Variants in SRPK2 observed in about 807,000 individuals in gnomAD.
SRPK2 encodes the protein SFRS protein kinase 2.
A neutral mutation model predicts 90.8 loss-of-function variants in SRPK2; 21 were observed. The ratio of observed to expected loss-of-function variants is 0.23; its 90% CI spans 0.16 to 0.33. The LOEUF is 0.33. Ranked by LOEUF, SRPK2 falls within the 10% of genes least tolerant of loss-of-function variation. The pLI, the probability that SRPK2 is intolerant of heterozygous loss-of-function variation, is 1.00. For synonymous variants in SRPK2, 288 were observed against 311.1 expected (o/e 0.93, Z 0.78); for missense variants, 620 against 869.0 (o/e 0.71, Z 3.60).
At chr7:105,381,772 A>C (rs566847525) in intron 2 of SRPK2, among the ~76,000 whole-genome samples, 1 of 152,332 alleles carries the variant, frequency 6.6e-6, no homozygotes, top group East Asian at 1.9e-4. Context: ...AGTATTCCAA[A>C]GTCATGGGCT....
intron 2 of SRPK2, among the ~76,000 whole-genome samples, chr7:105,223,048 G>C (rs2129617064): frequency 6.6e-6 from 1 of 152,314 alleles, no homozygotes; most frequent in East Asian, 1.9e-4. Context: ...AAAAATAAGA[G>C]GTAGGCTGAA....
Position 105,377,120 on chromosome 7 carries a change from G to A in SRPK2, c.71+11528C>T, listed in dbSNP as rs76849218. ...TCATCTCACTTGAATTTTATCTGCA[G>A]ACTAACACTGCTGACCACGCCCTTC... On this transcript the variant is annotated intron_variant, in intron 2 of 15. Coordinates refer to ENST00000393651, the MANE Select transcript of SRPK2 (RefSeq NM_182692.3). Among the ~76,000 whole-genome samples the A allele has an allele frequency of 4.7e-3, 710 of 152,140 alleles. 11 individuals carry two copies. In the East Asian group the frequency reaches 0.055, roughly 12 times the overall value.
At chr7:105,347,600 T>C (rs1294557436) in intron 2 of SRPK2, among the ~76,000 whole-genome samples, 3 of 152,014 alleles carry the variant, frequency 2.0e-5, no homozygotes, top group African/African-American at 2.4e-5. Flanking sequence ...ATGCCTATAC[T>C]CCCAGCACTT....
At chr7:105,229,089 G>A (rs1387113424) in intron 2 of SRPK2, among the ~76,000 whole-genome samples, 2 of 152,148 alleles carry the variant, frequency 1.3e-5, no homozygotes, top group African/African-American at 2.4e-5. Flanking sequence ...ACCGAGTTCA[G>A]GGAACTGCAG....
intron 2 of SRPK2, among the ~76,000 whole-genome samples, chr7:105,223,564 TTGTC>T (rs1469402589): frequency 6.6e-6 from 1 of 152,224 alleles, no homozygotes; most frequent in Admixed American, 6.5e-5. Context: ...TCCCTGTGAA[TTGTC>T]TATGTCCCCC....
rs1424726363 is a variant in SRPK2 at position 105,355,154 on chromosome 7, T to C, written c.71+33494A>G. Among the ~76,000 whole-genome samples, 4 of 152,192 alleles carry C rather than the reference T, an allele frequency of 2.6e-5. No homozygotes were observed. In the East Asian group the frequency reaches 7.7e-4, roughly 29 times the overall value. On this transcript the variant is annotated intron_variant, in intron 2 of 15. Transcript: ENST00000393651. Reference sequence around the variant, plus strand: ...TTTATTCATCAACTGACATCTGAGTTGTTTCCATCTGGCTGTGATCAACAA... The same window carrying C: ...TTTATTCATCAACTGACATCTGAGTCGTTTCCATCTGGCTGTGATCAACAA...
chr7:105,117,471 AG>A lies in SRPK2; in HGVS notation c.*366del, dbSNP rs1321955314. ...AATTTCTTAAGATTGTAAATTATATAGTACTCAGCTAAAATATTTCTTCATA... is the reference window on the plus strand; with the variant it reads ...AATTTCTTAAGATTGTAAATTATATATACTCAGCTAAAATATTTCTTCATA... On this transcript the variant is annotated 3_prime_UTR_variant, in exon 16 of 16. Transcript: ENST00000393651. 1 of 237,152 alleles carries A rather than the reference AG, an allele frequency of 4.2e-6. No homozygotes were observed. The highest frequency in any genetic ancestry group is 2.4e-5 in the African/African-American group (1 of 42,536). The allele number at this position is 237,152 out of a possible 1,614,324, so 14.7% of individuals were successfully genotyped here. A position where few individuals can be genotyped will look rare whatever the true frequency, so the allele number is the denominator to read the frequency against.
At chr7:105,319,762 G>C (rs981689486) in intron 2 of SRPK2, among the ~76,000 whole-genome samples, 1 of 152,014 alleles carries the variant, frequency 6.6e-6, no homozygotes, top group Non-Finnish European at 1.5e-5. Flanking sequence ...ATACACTGCT[G>C]AGTGTTCAAA....
chr7:105,124,639 C>CCAAAAAAAAAAAAAAA (rs1408558143), intron 15 of SRPK2, among the ~76,000 whole-genome samples: 1 of 8,260 alleles, frequency 1.2e-4, no homozygotes, highest in African/African-American at 2.9e-4. Context: ...AAAACTCCAT[C>CCAAAAAAAAAAAAAAA]TAAAAAAAAA....
intron 2 of SRPK2, among the ~76,000 whole-genome samples, chr7:105,223,432 C>CA (rs1727174146): frequency 6.6e-6 from 1 of 152,180 alleles, no homozygotes; most frequent in African/African-American, 2.4e-5. Context: ...GCCCAAGTGT[C>CA]AAAAAATTAA....
intron 2 of SRPK2, among the ~76,000 whole-genome samples, chr7:105,264,247 C>T (rs1418058748): frequency 1.3e-5 from 2 of 152,146 alleles, no homozygotes; most frequent in Non-Finnish European, 2.9e-5. Context: ...CTTCCTTTCT[C>T]CTTATTTTTC....
chr7:105,142,446 T>G lies in SRPK2; in HGVS notation c.1105A>C (p.Asn369His). 3 of 1,612,874 alleles carry G rather than the reference T, an allele frequency of 1.9e-6. No homozygotes were observed. Among genetic ancestry groups the G allele is most frequent in the Non-Finnish European group, 2.5e-6 (3 of 1,179,716 alleles). The change falls in exon 11 of 16, where the codon AAC (asparagine) becomes CAC (histidine). Residue 369 changes from asparagine to histidine, a missense_variant. Asn to His is a moderately conservative substitution (Grantham distance 68). Transcript: ENST00000393651. ...QEEKEDAEKE[N>H]IEKDEDDVDQ... ...ACATCATCTTCATCTTTTTCAATGT[T>G]TTCTTTCTCAGCATCTTCTTTCTCT...
intron 2 of SRPK2, among the ~76,000 whole-genome samples, chr7:105,350,316 G>C (rs1265704206): frequency 6.6e-6 from 1 of 150,898 alleles, no homozygotes; most frequent in African/African-American, 2.4e-5. Context: ...ATTTTTAGTA[G>C]AGACAGGGTT....
chr7:105,179,081 A>G (rs1418858517), intron 3 of SRPK2, among the ~76,000 whole-genome samples: 1 of 152,240 alleles, frequency 6.6e-6, no homozygotes, highest in Non-Finnish European at 1.5e-5. Flanking sequence ...GAAATCACAC[A>G]GATTAAAGGT....
At chr7:105,166,279 T>G (rs1382530024) in intron 6 of SRPK2, among the ~76,000 whole-genome samples, 1 of 152,170 alleles carries the variant, frequency 6.6e-6, no homozygotes, top group African/African-American at 2.4e-5. Flanking sequence ...GTAAACAATA[T>G]TGTTAAAAAT....
chr7:105,159,721 A>C (rs950226154), intron 7 of SRPK2, among the ~76,000 whole-genome samples: 1 of 152,198 alleles, frequency 6.6e-6, no homozygotes, highest in African/African-American at 2.4e-5. Context: ...CATCATCTCT[A>C]AGCCTGACCC....
chr7:105,311,260 G>C (rs766906530), intron 2 of SRPK2, among the ~76,000 whole-genome samples: 1 of 151,762 alleles, frequency 6.6e-6, no homozygotes, highest in Non-Finnish European at 1.5e-5. Flanking sequence ...TTGAGACGGA[G>C]TTTCACTCGT....
intron 2 of SRPK2, among the ~76,000 whole-genome samples, chr7:105,282,894 A>AT (rs1350870458): frequency 4.2e-5 from 3 of 71,688 alleles, no homozygotes; most frequent in Non-Finnish European, 7.9e-5. Context: ...CACGTAACTG[A>AT]TAAAAAAAAA....
chr7:105,271,745 C>A (rs1418392195), intron 2 of SRPK2, among the ~76,000 whole-genome samples: 1 of 152,320 alleles, frequency 6.6e-6, no homozygotes, highest in Non-Finnish European at 1.5e-5. Context: ...TGACCATGCT[C>A]AGGACACTTT....
Sources: gnomAD v4.1 joint callset for allele counts (sites outside exome capture counted in the v4.1 genomes callset) on GRCh38, gnomAD v4.1.1 for gene constraint, MANE v1.5 for transcripts, NCBI Gene and HGNC (gene_info 2026-07-23, HGNC 2026-07-21) for gene names.